Variants in TRIP12 observed in about 807,000 individuals in gnomAD.
The protein encoded by TRIP12 is E3 ubiquitin-protein ligase TRIP12.
Under a neutral mutation model 244.2 loss-of-function variants are expected in TRIP12, and 25 were observed. The observed-to-expected ratio is 0.10, with a 90% confidence interval of 0.07 to 0.14. The LOEUF is 0.14. Ranked by LOEUF, TRIP12 falls within the 10% of genes least tolerant of loss-of-function variation. The pLI is 1.00. For missense variants in TRIP12, 1,677 were observed against 2,486.4 expected (o/e 0.67, Z 6.92); for synonymous variants, 905 against 873.1 (o/e 1.04, Z -0.64).
chr2:229,843,375 G>A (rs940703626), intron 4 of TRIP12, among the ~76,000 whole-genome samples: 9 of 152,102 alleles, frequency 5.9e-5, no homozygotes, highest in African/African-American at 2.2e-4. Context: ...AGTATGGTCT[G>A]CCTAAAAATC....
intron 2 of TRIP12, among the ~76,000 whole-genome samples, chr2:229,873,987 A>C (rs2063152461): frequency 6.6e-6 from 1 of 152,110 alleles, no homozygotes; most frequent in African/African-American, 2.4e-5. Context: ...CAAAGGAAGA[A>C]AAACAGAGTT....
Position 229,887,642 on chromosome 2 carries a change from G to C in TRIP12, c.-49-7514C>G, listed in dbSNP as rs1252492625. On this transcript the variant is annotated intron_variant, in intron 1 of 41. Coordinates refer to ENST00000675903, the MANE Select transcript of TRIP12 (RefSeq NM_001348323.3). ...GAATAGTCTAAGACTGTGGTTCTCA[G>C]ACTTCAGACAAATATAAACCCTAAA... Among the ~76,000 whole-genome samples, 6 of 152,274 alleles carry C rather than the reference G, an allele frequency of 3.9e-5. No homozygotes were observed. In the East Asian group the frequency reaches 1.2e-3, roughly 29 times the overall value.
At chr2:229,772,556 T>C (rs7565780) in intron 38 of TRIP12, among the ~76,000 whole-genome samples, 80,882 of 151,974 alleles carry the variant, frequency 0.53, 22,488 homozygotes, top group African/African-American at 0.69. Flanking sequence ...CTCCGCCTCC[T>C]GGGTTCAAGC....
chr2:229,922,450 C>T, upstream of TRIP12: 5 of 1,530,458 alleles, frequency 3.3e-6, no homozygotes, highest in African/African-American at 1.4e-5. Flanking sequence ...GGGTTTTGGC[C>T]CCTTGACCCC....
At chr2:229,872,271 A>T (rs562027608) in intron 2 of TRIP12, among the ~76,000 whole-genome samples, 33 of 152,026 alleles carry the variant, frequency 2.2e-4, no homozygotes, top group African/African-American at 7.2e-4. Context: ...CTCTCTTTTA[A>T]AAAAAGAAGA....
chr2:229,884,289 T>A (rs2065524874), intron 1 of TRIP12, among the ~76,000 whole-genome samples: 1 of 143,272 alleles, frequency 7.0e-6, no homozygotes, highest in African/African-American at 2.6e-5. Context: ...CTGGCTGGAG[T>A]GCAGTGGCAC....
chr2:229,847,190 T>C (rs572253157), intron 4 of TRIP12, among the ~76,000 whole-genome samples: 6 of 152,342 alleles, frequency 3.9e-5, no homozygotes, highest in Non-Finnish European at 8.8e-5. Context: ...TTACGAATGA[T>C]GTAATTTATA....
intron 5 of TRIP12, among the ~76,000 whole-genome samples, chr2:229,838,466 GT>G (rs2055418874): frequency 6.6e-6 from 1 of 152,140 alleles, no homozygotes; most frequent in African/African-American, 2.4e-5. Flanking sequence ...CTTCAAGCAG[GT>G]GGCTAGATTA....
rs185571790 is a variant in TRIP12, at chr2:229,799,422, C to T, written c.3207-39G>A. 5.0e-4 allele frequency: 772 copies of T among 1,558,394 alleles called. 5 individuals are homozygous for T. Among genetic ancestry groups the T allele is most frequent in the Non-Finnish European group, 9.0e-5 (102 of 1,129,648 alleles). ...AATATGAGATAAGTTTAGCAATTAC[C>T]ACTGTTTTATATCTTCACTCACTGA... On this transcript the variant is annotated intron_variant, in intron 21 of 41. Coordinates refer to ENST00000675903, the MANE Select transcript of TRIP12 (RefSeq NM_001348323.3).
intron 25 of TRIP12, among the ~76,000 whole-genome samples, chr2:229,796,389 T>C (rs1413895453): frequency 2.0e-5 from 3 of 152,228 alleles, no homozygotes; most frequent in East Asian, 3.8e-4. Flanking sequence ...AATAGTGACA[T>C]GGGCTTTGTT....
chr2:229,906,093 T>A (rs1418770518), intron 1 of TRIP12, among the ~76,000 whole-genome samples: 1 of 151,740 alleles, frequency 6.6e-6, no homozygotes, highest in Non-Finnish European at 1.5e-5. Flanking sequence ...TTACCTGAGG[T>A]CAGGAGTTTG....
intron 1 of TRIP12, among the ~76,000 whole-genome samples, chr2:229,881,743 G>A (rs2154354967): frequency 6.6e-6 from 1 of 152,256 alleles, no homozygotes; most frequent in African/African-American, 2.4e-5. Context: ...GTACTGATAT[G>A]GAAAGATATG....
chr2:229,897,900 C>T (rs563150717), intron 1 of TRIP12, among the ~76,000 whole-genome samples: 2 of 152,320 alleles, frequency 1.3e-5, no homozygotes, highest in South Asian at 4.1e-4. Flanking sequence ...ATAGTCACAA[C>T]ACCTGCCACA....
At chr2:229,772,665 T>C (rs779707701) in intron 38 of TRIP12, among the ~76,000 whole-genome samples, 1 of 152,126 alleles carries the variant, frequency 6.6e-6, no homozygotes, top group Non-Finnish European at 1.5e-5. Flanking sequence ...GGTTTCACGA[T>C]GTTTGTCAGG....
Position 229,839,571 on chromosome 2 carries a change from C to T in TRIP12, c.1133+1251G>A, listed in dbSNP as rs146853700. ...GCGGGCGCCTATAGTCCCAGCTACT[C>T]GGGAGGCCGAGGCAGGAGAATGGCG... On this transcript the variant is annotated intron_variant, in intron 5 of 41. Coordinates refer to ENST00000675903, the MANE Select transcript of TRIP12 (RefSeq NM_001348323.3). Among the ~76,000 whole-genome samples the T allele has an allele frequency of 9.7e-3, 1,464 of 151,546 alleles. 25 individuals carry two copies. Among genetic ancestry groups the T allele is most frequent in the African/African-American group, 0.034 (1,391 of 41,286 alleles).
intron 24 of TRIP12, among the ~76,000 whole-genome samples, chr2:229,797,433 CTTCA>C (rs2154264909): frequency 6.6e-6 from 1 of 152,168 alleles, no homozygotes; most frequent in Non-Finnish European, 1.5e-5. Context: ...TCTGAAGTTT[CTTCA>C]TTTGTCAAGA....
intron 13 of TRIP12, 113 bp downstream of exon 13, chr2:229,813,757 C>G: frequency 1.3e-6 from 1 of 765,512 alleles, no homozygotes; most frequent in Non-Finnish European, 1.7e-6. Context: ...GCACTCTAGC[C>G]TGGGTAACAG....
chr2:229,854,702 CA>C (rs550740704), intron 4 of TRIP12, among the ~76,000 whole-genome samples: 72 of 152,270 alleles, frequency 4.7e-4, no homozygotes, highest in African/African-American at 1.6e-3. Flanking sequence ...CATTACCTGC[CA>C]ATTAATTCTA....
At chr2:229,843,378 T>C (rs2056922603) in intron 4 of TRIP12, among the ~76,000 whole-genome samples, 1 of 152,164 alleles carries the variant, frequency 6.6e-6, no homozygotes, top group South Asian at 2.1e-4. Flanking sequence ...ATGGTCTGCC[T>C]AAAAATCCTA....
Sources: gnomAD v4.1 joint callset for allele counts (sites outside exome capture counted in the v4.1 genomes callset) on GRCh38, gnomAD v4.1.1 for gene constraint, MANE v1.5 for transcripts, NCBI Gene and HGNC (gene_info 2026-07-23, HGNC 2026-07-21) for gene names.